DACH2: variants seen among roughly 807,000 people sequenced by gnomAD.
DACH2 encodes dachshund family transcription factor 2.
A neutral mutation model predicts 35.8 loss-of-function variants in DACH2; 17 were observed. The observed-to-expected ratio is 0.48, with a 90% CI of 0.33 to 0.71. DACH2 has a LOEUF of 0.71. DACH2 is among the 30% of genes least tolerant of loss of function. The probability of loss-of-function intolerance (pLI) is 0.02; values close to 1 mark genes in which losing one functional copy is unlikely to be tolerated. For synonymous variants in DACH2, 195 were observed against 177.3 expected (o/e 1.10, Z -0.79); for missense variants, 469 against 472.7 (o/e 0.99, Z 0.07).
chrX:86,536,515 CTGA>C (rs1425882437), intron 3 of DACH2, among the ~76,000 whole-genome samples: 4 of 111,789 alleles, frequency 3.6e-5, no homozygotes, highest in African/African-American at 1.3e-4. Flanking sequence ...TCTCTGGAGC[CTGA>C]TATCTGGAGC....
At chrX:86,299,899 T>G (rs1159757491) in intron 1 of DACH2, among the ~76,000 whole-genome samples, 1 of 111,721 alleles carries the variant, frequency 9.0e-6, no homozygotes, top group Non-Finnish European at 1.9e-5. Flanking sequence ...ATCATTGTAT[T>G]TTTTAAATTT....
At chrX:86,212,971 A>G (rs1223082065) in intron 1 of DACH2, among the ~76,000 whole-genome samples, 1 of 111,526 alleles carries the variant, frequency 9.0e-6, no homozygotes. Context: ...GACTTTACAT[A>G]CACTCTTTAA....
chrX:86,760,362 C>T (rs1459476381), intron 7 of DACH2, among the ~76,000 whole-genome samples: 1 of 111,926 alleles, frequency 8.9e-6, no homozygotes, highest in Admixed American at 9.5e-5. Flanking sequence ...TATCATTTCC[C>T]ATATGCCATA....
chrX:86,573,014 T>C (rs1164856901), intron 3 of DACH2, among the ~76,000 whole-genome samples: 1 of 111,446 alleles, frequency 9.0e-6, no homozygotes. Flanking sequence ...CTTATTTAAC[T>C]TAGGTTACTG....
At chrX:86,455,003 T>A (rs2037449255) in intron 2 of DACH2, among the ~76,000 whole-genome samples, 1 of 111,583 alleles carries the variant, frequency 9.0e-6, no homozygotes, top group African/African-American at 3.3e-5. Context: ...TGTTTGTTTT[T>A]CTTTTAGCAG....
chrX:86,347,419 A>G (rs1276087341), intron 1 of DACH2, among the ~76,000 whole-genome samples: 1 of 112,483 alleles, frequency 8.9e-6, no homozygotes, highest in Non-Finnish European at 1.9e-5. Flanking sequence ...GCACACACAC[A>G]CACACCATTT....
At chrX:86,664,222 C>T (rs1481787944) in intron 4 of DACH2, among the ~76,000 whole-genome samples, 1 of 111,531 alleles carries the variant, frequency 9.0e-6, no homozygotes, top group East Asian at 2.8e-4. Flanking sequence ...ATTTGTTTTC[C>T]TAGTGTAGAT....
At chrX:86,819,459 A>T (rs1482597502) in intron 11 of DACH2, among the ~76,000 whole-genome samples, 3 of 111,062 alleles carry the variant, frequency 2.7e-5, no homozygotes, top group Admixed American at 1.9e-4. Flanking sequence ...TGCAAATGAC[A>T]TTCAAGTGCC....
At chrX:86,410,964 G>C (rs2036600297) in intron 2 of DACH2, among the ~76,000 whole-genome samples, 2 of 97,139 alleles carry the variant, frequency 2.1e-5, no homozygotes, top group Admixed American at 2.4e-4. Flanking sequence ...TATTGTGAAA[G>C]TAGTGCTTAG....
chrX:86,714,579 T>C lies in DACH2; in HGVS notation c.963T>C (p.His321=), dbSNP rs141281021. The change falls in exon 6 of 12, where the codon CAT becomes CAC. Residue 321 remains histidine, a synonymous_variant. Coordinates refer to ENST00000373125, the MANE Select transcript of DACH2 (RefSeq NM_053281.3). ...ATCTGCCATTTATGATGATGCCTCA[T>C]CCCCTACTTCCAGTCAGCTTACCTC... ...RLDLPFMMMP[H]PLLPVSLPPA... 2.2e-4 allele frequency: 260 copies of C among 1,205,400 alleles called. No individual in the cohort carries two copies. The African/African-American group carries it at 4.0e-3, about 18-fold the overall frequency.
chrX:86,785,075 T>C (rs1260491888), intron 7 of DACH2, among the ~76,000 whole-genome samples: 1 of 110,788 alleles, frequency 9.0e-6, no homozygotes, highest in Non-Finnish European at 1.9e-5. Context: ...CAAACCCCCA[T>C]GACATGCAAT....
intron 1 of DACH2, among the ~76,000 whole-genome samples, chrX:86,183,788 G>A (rs1234779588): frequency 1.8e-5 from 2 of 111,666 alleles, no homozygotes; most frequent in Non-Finnish European, 3.8e-5. Context: ...TAATTCGGGT[G>A]TGAATCCGTC....
intron 4 of DACH2, among the ~76,000 whole-genome samples, chrX:86,669,207 T>G (rs1268852367): frequency 9.1e-6 from 1 of 110,342 alleles, no homozygotes; most frequent in African/African-American, 3.3e-5. Flanking sequence ...GCATTAAGAA[T>G]AGGTTTCATC....
intron 3 of DACH2, among the ~76,000 whole-genome samples, chrX:86,600,720 G>T (rs6617246): frequency 0.14 from 15,240 of 110,828 alleles, 983 homozygotes; most frequent in South Asian, 0.36. Context: ...ACTTTTATTG[G>T]CTCATTGTCC....
chrX:86,430,344 TA>T (rs1339496992), intron 2 of DACH2, among the ~76,000 whole-genome samples: 3 of 112,359 alleles, frequency 2.7e-5, no homozygotes, highest in African/African-American at 9.7e-5. Context: ...TGGAAAATGT[TA>T]AATAACTCAT....
chrX:86,554,501 G>A (rs2039090940), intron 3 of DACH2, among the ~76,000 whole-genome samples: 1 of 111,607 alleles, frequency 9.0e-6, no homozygotes, highest in Non-Finnish European at 1.9e-5. Flanking sequence ...TGTCTTTTAT[G>A]AAATAAATCA....
At chrX:86,811,779 T>C (rs1042318725) in intron 7 of DACH2, among the ~76,000 whole-genome samples, 2 of 112,115 alleles carry the variant, frequency 1.8e-5, no homozygotes, top group African/African-American at 3.2e-5. Flanking sequence ...GTACAGGTCA[T>C]ATGAAAGACT....
chrX:86,801,051 TTAAA>T (rs1249573517), intron 7 of DACH2, among the ~76,000 whole-genome samples: 1 of 111,412 alleles, frequency 9.0e-6, no homozygotes, highest in Admixed American at 9.6e-5. Context: ...GCCTTGTTAA[TTAAA>T]TATATATTTT....
At position 86,695,012 on chromosome X, in the gene DACH2, A is replaced by G; in HGVS notation, c.773-9A>G. ...CAAGTTGAAATATGTTTATATGAAT[A>G]TTTTTCAGGTGGAAGTGAATCCTCC... On this transcript the variant is annotated splice_polypyrimidine_tract_variant and intron_variant, in intron 4 of 11. Transcript: ENST00000373125. 9.7e-7 allele frequency: 1 copy of G among 1,033,660 alleles called. No individual in the cohort carries two copies. Among genetic ancestry groups the G allele is most frequent in the Non-Finnish European group, 1.3e-6 (1 of 798,484 alleles). 85.2% of individuals were successfully genotyped at this position (1,033,660 alleles called of 1,213,427 possible). A position where few individuals can be genotyped will look rare whatever the true frequency, so the allele number is the denominator to read the frequency against.
Sources: gnomAD v4.1 joint callset for allele counts (sites outside exome capture counted in the v4.1 genomes callset) on GRCh38, gnomAD v4.1.1 for gene constraint, MANE v1.5 for transcripts, NCBI Gene and HGNC (gene_info 2026-07-23, HGNC 2026-07-21) for gene names.